SEPHS2: variants seen among roughly 807,000 people sequenced by gnomAD.
SEPHS2 encodes the protein selenide, water dikinase 2.
In SEPHS2, 11 loss-of-function variants were observed where a neutral mutation model predicts 23.9. The ratio of observed to expected loss-of-function variants is 0.46; its 90% CI spans 0.29 to 0.76. The LOEUF is 0.76. SEPHS2 is among the 30% of genes least tolerant of loss of function. SEPHS2 has a pLI of 0.10. For synonymous variants in SEPHS2, 239 were observed against 247.5 expected (o/e 0.97, Z 0.32); for missense variants, 541 against 592.5 (o/e 0.91, Z 0.90).
Position 30,444,775 on chromosome 16 carries a change from G to C in SEPHS2, c.953C>G (p.Thr318Arg), listed in dbSNP as rs559290041. Residue 318 changes from threonine to arginine, a missense_variant, in exon 1 of 1, where the codon ACA (threonine) becomes AGA (arginine). Thr to Arg is a moderately conservative substitution (Grantham distance 71). Transcript: ENST00000478753. The surrounding 1 kb of genome is among the most constrained non-coding windows in gnomAD (Gnocchi z 4.0). The stretch of plus-strand genomic sequence containing the variant: ...GGAGTGTCCTAGAATGCCAAAGCCT[G>C]TGATATCTGTGGCCGCATGGGCATT... ...TFNAHAATDI[T>R]GFGILGHSQN... 1 of 1,612,878 alleles carries C rather than the reference G, an allele frequency of 6.2e-7. No homozygotes were observed. Among genetic ancestry groups the C allele is most frequent in the East Asian group, 2.2e-5 (1 of 44,866 alleles).
chr16:30,445,011 C>T lies in SEPHS2; in HGVS notation c.717G>A (p.Pro239=), dbSNP rs762903934. Residue 239 remains proline, a synonymous_variant, in exon 1 of 1, where the codon CCG becomes CCA. Coordinates refer to ENST00000478753, the MANE Select transcript of SEPHS2 (RefSeq NM_012248.4). ...GCACGTCCCCAACGACGGCGCTGTC[C>T]GGCATTATGAACTCATTTGGTTGGC... ...VVCQPNEFIM[P]DSAVVGDVLV... 23 of 1,608,872 alleles carry T rather than the reference C, an allele frequency of 1.4e-5. No homozygotes were observed. The South Asian group carries it at 1.4e-4, about 10-fold the overall frequency.
Position 30,444,311 on chromosome 16 carries a change from T to C in SEPHS2, c.*70A>G. The C allele has an allele frequency of 6.8e-7, 1 of 1,468,452 alleles. No homozygotes were observed. The highest frequency in any genetic ancestry group is 9.2e-7 in the Non-Finnish European group (1 of 1,092,786). The allele number at this position is 1,468,452 out of a possible 1,614,324, so 91.0% of individuals were successfully genotyped here. A position where few individuals can be genotyped will look rare whatever the true frequency, so the allele number is the denominator to read the frequency against. The stretch of plus-strand genomic sequence containing the variant: ...AGCCTTCTTTGGAAATTTCTTACAA[T>C]CAACTCTTGAGAACCATCCGTGATT... On this transcript the variant is annotated 3_prime_UTR_variant, in exon 1 of 1. Transcript: ENST00000478753. The surrounding 1 kb of genome is among the most constrained non-coding windows in gnomAD (Gnocchi z 4.0).
In SEPHS2 at chr16:30,444,220, T is replaced by TA; in HGVS notation, c.*160dup. 1.7e-6 allele frequency: 1 copy of TA among 588,902 alleles called. No individual in the cohort carries two copies. The highest frequency in any genetic ancestry group is 2.8e-6 in the Non-Finnish European group (1 of 354,750). The allele number at this position is 588,902 out of a possible 1,614,324, so 36.5% of individuals were successfully genotyped here. A position where few individuals can be genotyped will look rare whatever the true frequency, so the allele number is the denominator to read the frequency against. ...TGTTACTCTGGCCTCGGAATGCATATAAAGACTGCTTTAGATGGGCTGATT... is the reference window on the plus strand; with the variant it reads ...TGTTACTCTGGCCTCGGAATGCATATAAAAGACTGCTTTAGATGGGCTGATT... On this transcript the variant is annotated 3_prime_UTR_variant, in exon 1 of 1. Transcript: ENST00000478753. The surrounding 1 kb of genome is among the most constrained non-coding windows in gnomAD (Gnocchi z 4.0).
Position 30,445,380 on chromosome 16 carries a change from G to A in SEPHS2, c.348C>T (p.Gly116=), listed in dbSNP as rs878971853. The change falls in exon 1 of 1, where the codon GGC becomes GGT. Residue 116 remains glycine (G), a synonymous_variant. Coordinates refer to ENST00000478753, the MANE Select transcript of SEPHS2 (RefSeq NM_012248.4). The part of the protein sequence containing the change: ...AGPSPTFPAL[G]IGMDSCVIPL... ...GGATGACGCAGGAGTCCATCCCGAT[G>A]CCCAGGGCTGGAAAGGTGGGGCTGG... 1.9e-6 allele frequency: 3 copies of A among 1,608,124 alleles called. No individual in the cohort carries two copies. Among genetic ancestry groups the A allele is most frequent in the East Asian group, 2.2e-5 (1 of 44,820 alleles).
At position 30,445,656 on chromosome 16, in the gene SEPHS2, C is replaced by G; in HGVS notation, c.72G>C (p.Ala24=). 6.5e-7 allele frequency: 1 copy of G among 1,534,852 alleles called. No individual in the cohort carries two copies. The highest frequency in any genetic ancestry group is 8.7e-7 in the Non-Finnish European group (1 of 1,145,666). The change falls in exon 1 of 1, where the codon GCG becomes GCC. Residue 24 remains alanine, a synonymous_variant. Coordinates refer to ENST00000478753, the MANE Select transcript of SEPHS2 (RefSeq NM_012248.4). ...AGAAGCTCCGGCCCAGAGTCAAGCC[C>G]GCCGGGCCCGAGGAGCCTTCCGCCG... ...MAAAEGSSGP[A]GLTLGRSFSN...
chr16:30,445,014 C>T lies in SEPHS2; in HGVS notation c.714G>A (p.Met238Ile). The T allele has an allele frequency of 6.2e-7, 1 of 1,608,010 alleles. No homozygotes were observed. Among genetic ancestry groups the T allele is most frequent in the South Asian group, 1.1e-5 (1 of 90,096 alleles). ...CGTCCCCAACGACGGCGCTGTCCGG[C>T]ATTATGAACTCATTTGGTTGGCATA... The part of the protein sequence containing the change: ...TVVCQPNEFI[M>I]PDSAVVGDVL... The change falls in exon 1 of 1, where the codon ATG becomes ATA. Residue 238 changes from methionine to isoleucine, a missense_variant. By Grantham distance (10) the Met-to-Ile change is conservative. Transcript: ENST00000478753.
Position 30,445,866 on chromosome 16 carries a change from A to C in SEPHS2, c.-139T>G, listed in dbSNP as rs1340502401. ...AAGCCGTCAGACCCACGGCATGCAC[A>C]ATCTTCCTGATAGAGGAGCCGCCGG... On this transcript the variant is annotated 5_prime_UTR_variant, in exon 1 of 1. In the 5' UTR this introduces an upstream ATG that the reference lacks. Transcript: ENST00000478753. The C allele has an allele frequency of 1.7e-6, 2 of 1,183,206 alleles. No homozygotes were observed. Among genetic ancestry groups the C allele is most frequent in the Non-Finnish European group, 2.3e-6 (2 of 875,078 alleles). 73.3% of individuals were successfully genotyped at this position (1,183,206 alleles called of 1,614,324 possible). A position where few individuals can be genotyped will look rare whatever the true frequency, so the allele number is the denominator to read the frequency against.
At position 30,445,446 on chromosome 16, in the gene SEPHS2, T is replaced by C. The variant is rs2050275340; in HGVS notation, c.282A>G (p.Glu94=). ...GCAGGCCGGCTTCCTGGGACGCCTCTTCCTGGCCACCCACCAGGCCCCGGC... is the reference window on the plus strand; with the variant it reads ...GCAGGCCGGCTTCCTGGGACGCCTCCTCCTGGCCACCCACCAGGCCCCGGC... The part of the protein sequence containing the change: ...PLGRGLVGGQ[E]EASQEAGLPA... Residue 94 remains glutamate, a synonymous_variant, in exon 1 of 1, where the codon GAA becomes GAG. Coordinates refer to ENST00000478753, the MANE Select transcript of SEPHS2 (RefSeq NM_012248.4). 2 of 1,557,780 alleles carry C rather than the reference T, an allele frequency of 1.3e-6. No individual in the cohort carries two copies. The highest frequency in any genetic ancestry group is 1.2e-5 in the South Asian group (1 of 86,754).
Position 30,444,765 on chromosome 16 carries a change from G to A in SEPHS2, c.963C>T (p.Gly321=), listed in dbSNP as rs750339569. 9 of 1,611,842 alleles carry A rather than the reference G, an allele frequency of 5.6e-6. No individual in the cohort carries two copies. In the African/African-American group the frequency reaches 9.4e-5, roughly 17 times the overall value. ...AHAATDITGF[G]ILGHSQNLAK... ...CAAGGTTCTGGGAGTGTCCTAGAAT[G>A]CCAAAGCCTGTGATATCTGTGGCCG... Residue 321 remains glycine, a synonymous_variant, in exon 1 of 1, where the codon GGC becomes GGT. Transcript: ENST00000478753. The surrounding 1 kb of genome is among the most constrained non-coding windows in gnomAD (Gnocchi z 4.0).
At position 30,444,667 on chromosome 16, in the gene SEPHS2, C is replaced by T. The variant is rs865929041; in HGVS notation, c.1061G>A (p.Ser354Asn). Residue 354 changes from serine (S) to asparagine (N), a missense_variant, in exon 1 of 1, where the codon AGC becomes AAC. Ser to Asn is a conservative substitution (Grantham distance 46, BLOSUM62 1). Around this residue, in one of 3 missense-constraint regions of SEPHS2, gnomAD observed 224 missense variants for 237.4 expected, o/e 0.94. Coordinates refer to ENST00000478753, the MANE Select transcript of SEPHS2 (RefSeq NM_012248.4). The surrounding 1 kb of genome is among the most constrained non-coding windows in gnomAD (Gnocchi z 4.0). The part of the protein sequence containing the change: ...LPIIAKMAAV[S>N]KASGRFGLLQ... ...AAGCCCAAACCGTCCACTGGCCTTG[C>T]TGACGGCAGCCATCTTGGCAATTAT... The T allele has an allele frequency of 6.2e-7, 1 of 1,610,552 alleles. No homozygotes were observed. The highest frequency in any genetic ancestry group is 2.2e-5 in the East Asian group (1 of 44,784).
In SEPHS2 at chr16:30,444,748, T is replaced by C. The variant is rs2050270298; in HGVS notation, c.980A>G (p.Gln327Arg). ...ITGFGILGHS[Q>R]NLAKQQRNEV... The stretch of plus-strand genomic sequence containing the variant: ...ATTTCTTTGTTGTTTTGCAAGGTTC[T>C]GGGAGTGTCCTAGAATGCCAAAGCC... The change falls in exon 1 of 1, where the codon CAG (glutamine) becomes CGG (arginine). Residue 327 changes from glutamine to arginine, a missense_variant. Around this residue, in one of 3 missense-constraint regions of SEPHS2, gnomAD observed 224 missense variants for 237.4 expected, o/e 0.94. Transcript: ENST00000478753. This position sits in a 1 kb window ranked among gnomAD's most constrained non-coding sequence, Gnocchi z 4.0. 6.2e-7 allele frequency: 1 copy of C among 1,610,342 alleles called. No homozygotes were observed. The highest frequency in any genetic ancestry group is 8.5e-7 in the Non-Finnish European group (1 of 1,177,404).
Position 30,444,706 on chromosome 16 carries a change from A to G in SEPHS2, c.1022T>C (p.Ile341Thr), listed in dbSNP as rs1057128157. The G allele has an allele frequency of 2.5e-6, 4 of 1,608,046 alleles. No homozygotes were observed. The highest frequency in any genetic ancestry group is 3.4e-6 in the Non-Finnish European group (4 of 1,175,634). The change falls in exon 1 of 1, where the codon ATT becomes ACT. Residue 341 changes from isoleucine (I) to threonine (T), a missense_variant. Transcript: ENST00000478753. This position sits in a 1 kb window ranked among gnomAD's most constrained non-coding sequence, Gnocchi z 4.0. The stretch of plus-strand genomic sequence containing the variant: ...CTTGGCAATTATTGGCAGATTATGA[A>G]TAACAAAGGACACTTCATTTCTTTG... ...KQQRNEVSFVIHNLPIIAKMA... is the reference protein window; with the variant it reads ...KQQRNEVSFVTHNLPIIAKMA...
At position 30,445,503 on chromosome 16, in the gene SEPHS2, T is replaced by C; in HGVS notation, c.225A>G (p.Gly75=). ...PQEALLKLLA[G]LTRPDVRPPL... ...GGGGCCGCACGTCCGGCCGCGTCAG[T>C]CCCGCCAGGAGTTTGAGCAGCGCCT... Residue 75 remains glycine (G), a synonymous_variant, in exon 1 of 1, where the codon GGA becomes GGG. Coordinates refer to ENST00000478753, the MANE Select transcript of SEPHS2 (RefSeq NM_012248.4). 1 of 1,536,742 alleles carries C rather than the reference T, an allele frequency of 6.5e-7. No individual in the cohort carries two copies. The highest frequency in any genetic ancestry group is 8.7e-7 in the Non-Finnish European group (1 of 1,147,042).
In SEPHS2 at chr16:30,444,182, C is replaced by A. The variant is rs2050267091; in HGVS notation, c.*199G>T. 2 of 436,866 alleles carry A rather than the reference C, an allele frequency of 4.6e-6. No homozygotes were observed. Among genetic ancestry groups the A allele is most frequent in the African/African-American group, 2.0e-5 (1 of 49,400 alleles). 27.1% of individuals were successfully genotyped at this position (436,866 alleles called of 1,614,324 possible). On this transcript the variant is annotated 3_prime_UTR_variant, in exon 1 of 1. Coordinates refer to ENST00000478753, the MANE Select transcript of SEPHS2 (RefSeq NM_012248.4). The surrounding 1 kb of genome is among the most constrained non-coding windows in gnomAD (Gnocchi z 4.0). The stretch of plus-strand genomic sequence containing the variant: ...ACCCAAGTGATGAACAAATATCCCC[C>A]CAAAGTTCAAAATGTTACTCTGGCC...
At position 30,444,021 on chromosome 16, in the gene SEPHS2, TTGTG is replaced by T. The variant is rs1266517832; in HGVS notation, c.*356_*359del. 10 of 182,762 alleles carry T rather than the reference TTGTG, an allele frequency of 5.5e-5. No homozygotes were observed. In the East Asian group the frequency reaches 1.0e-3, roughly 18 times the overall value. 11.3% of individuals were successfully genotyped at this position (182,762 alleles called of 1,614,324 possible). ...AATTTTTTTCATTTTGCAATTTACT[TTGTG>T]TGTGTGTTACTTTAATAATCTCACT... On this transcript the variant is annotated 3_prime_UTR_variant, in exon 1 of 1. Coordinates refer to ENST00000478753, the MANE Select transcript of SEPHS2 (RefSeq NM_012248.4). The surrounding 1 kb of genome is among the most constrained non-coding windows in gnomAD (Gnocchi z 4.0).
Position 30,445,610 on chromosome 16 carries a change from G to A in SEPHS2, c.118C>T (p.Pro40Ser), listed in dbSNP as rs2050277009. The change falls in exon 1 of 1, where the codon CCC becomes TCC. Residue 40 changes from proline to serine, a missense_variant. Transcript: ENST00000478753. Reference protein sequence around the residue: ...RSFSNYRPFEPQALGLSPSWR... With the variant: ...RSFSNYRPFESQALGLSPSWR... Reference sequence around the variant, plus strand: ...CTCGGGCTGAGGCCCAACGCCTGGGGCTCGAAGGGCCGGTAGTTCGAGAAG... The same window carrying A: ...CTCGGGCTGAGGCCCAACGCCTGGGACTCGAAGGGCCGGTAGTTCGAGAAG... The A allele has an allele frequency of 1.9e-6, 3 of 1,538,956 alleles. No individual in the cohort carries two copies. The highest frequency in any genetic ancestry group is 1.7e-6 in the Non-Finnish European group (2 of 1,148,642).
Position 30,445,621 on chromosome 16 carries a change from C to T in SEPHS2, c.107G>A (p.Arg36Gln), listed in dbSNP as rs765228222. The change falls in exon 1 of 1, where the codon CGG (arginine) becomes CAG (glutamine). Residue 36 changes from arginine (R) to glutamine (Q), a missense_variant. Transcript: ENST00000478753. The stretch of plus-strand genomic sequence containing the variant: ...GCCCAACGCCTGGGGCTCGAAGGGC[C>T]GGTAGTTCGAGAAGCTCCGGCCCAG... ...LTLGRSFSNY[R>Q]PFEPQALGLS... 7.8e-6 allele frequency: 12 copies of T among 1,536,302 alleles called. No individual in the cohort carries two copies. Among genetic ancestry groups the T allele is most frequent in the African/African-American group, 2.7e-5 (2 of 72,866 alleles).
chr16:30,445,612 T>C lies in SEPHS2; in HGVS notation c.116A>G (p.Glu39Gly). Residue 39 changes from glutamate (E) to glycine (G), a missense_variant, in exon 1 of 1, where the codon GAG becomes GGG. By Grantham distance (98) the Glu-to-Gly change is moderately conservative (BLOSUM62 -2). Coordinates refer to ENST00000478753, the MANE Select transcript of SEPHS2 (RefSeq NM_012248.4). ...CGGGCTGAGGCCCAACGCCTGGGGC[T>C]CGAAGGGCCGGTAGTTCGAGAAGCT... is the stretch of plus-strand genomic sequence containing the variant. ...GRSFSNYRPF[E>G]PQALGLSPSW... 3 of 1,538,372 alleles carry C rather than the reference T, an allele frequency of 2.0e-6. No individual in the cohort carries two copies. The highest frequency in any genetic ancestry group is 1.7e-6 in the Non-Finnish European group (2 of 1,148,312).
At position 30,444,612 on chromosome 16, in the gene SEPHS2, C is replaced by G; in HGVS notation, c.1116G>C (p.Gly372=). The G allele has an allele frequency of 6.2e-7, 1 of 1,614,190 alleles. No homozygotes were observed. Among genetic ancestry groups the G allele is most frequent in the Non-Finnish European group, 8.5e-7 (1 of 1,180,020 alleles). Residue 372 remains glycine (G), a synonymous_variant, in exon 1 of 1, where the codon GGG becomes GGC. Transcript: ENST00000478753. This position sits in a 1 kb window ranked among gnomAD's most constrained non-coding sequence, Gnocchi z 4.0. ...LLQGTSAETS[G]GLLICLPREQ... ...CTCTTGGCAGACAAATCAGTAATCC[C>G]CCAGAGGTTTCAGCTGAGGTTCCTT...
Sources: allele counts gnomAD v4.1 joint callset, GRCh38; gene constraint gnomAD v4.1.1; regional missense constraint gnomAD v4.1.1; non-coding constraint Gnocchi (gnomAD v3.1); transcripts MANE v1.5; gene names NCBI Gene and HGNC (gene_info 2026-07-23, HGNC 2026-07-21).